The following PTPRD variants were observed in gnomAD, a reference collection of about 807,000 sequenced individuals.
PTPRD encodes the protein receptor-type tyrosine-protein phosphatase delta.
Under a neutral mutation model 214.5 loss-of-function variants are expected in PTPRD, and 34 were observed. The observed-to-expected ratio is 0.16, with a 90% CI of 0.12 to 0.21. The LOEUF is 0.21. Ranked by LOEUF, PTPRD falls within the 10% of genes least tolerant of loss-of-function variation. The probability of loss-of-function intolerance (pLI) is 1.00; values close to 1 mark genes in which losing one functional copy is unlikely to be tolerated. For synonymous variants in PTPRD, 1,128 were observed against 845.7 expected (o/e 1.33, Z -5.79); for missense variants, 2,545 against 2,398.7 (o/e 1.06, Z -1.27).
At chr9:8,582,989 T>A (rs1389658385) in intron 14 of PTPRD, among the ~76,000 whole-genome samples, 1 of 152,176 alleles carries the variant, frequency 6.6e-6, no homozygotes, top group African/African-American at 2.4e-5. Context: ...CAGAAGCTCA[T>A]TAACTTAAAA....
Position 8,363,633 on chromosome 9 carries a change from T to G in PTPRD, c.4661+12303A>C, listed in dbSNP as rs1019529483. ...CCTGTGAAGGAAATTCACATTGCAC[T>G]TAACTGGGTGATCAGAATAGAGCAG... On this transcript the variant is annotated intron_variant, in intron 39 of 45. Transcript: ENST00000381196. Among the ~76,000 whole-genome samples, 12 of 152,324 alleles carry G rather than the reference T, an allele frequency of 7.9e-5. No homozygotes were observed. In the East Asian group the frequency reaches 1.2e-3, roughly 15 times the overall value.
intron 5 of PTPRD, among the ~76,000 whole-genome samples, chr9:9,849,013 G>A (rs111810862): frequency 7.7e-4 from 116 of 151,608 alleles, no homozygotes; most frequent in Admixed American, 1.4e-3. Context: ...CCAGTTACCC[G>A]AAAAACAGGG....
At chr9:10,377,733 A>G (rs931423409) in intron 2 of PTPRD, among the ~76,000 whole-genome samples, 2 of 151,994 alleles carry the variant, frequency 1.3e-5, no homozygotes, top group Non-Finnish European at 2.9e-5. Flanking sequence ...AAATAGGAAC[A>G]CTTTTATACT....
intron 7 of PTPRD, among the ~76,000 whole-genome samples, chr9:9,673,146 T>A (rs1226880922): frequency 6.6e-6 from 1 of 151,994 alleles, no homozygotes; most frequent in Non-Finnish European, 1.5e-5. Context: ...TATTACCCTT[T>A]TTATCACACA....
At chr9:8,348,070 C>A (rs1442074521) in intron 39 of PTPRD, among the ~76,000 whole-genome samples, 1 of 152,094 alleles carries the variant, frequency 6.6e-6, no homozygotes, top group Non-Finnish European at 1.5e-5. Flanking sequence ...GAATAGACAA[C>A]ATAGCACATT....
chr9:9,704,478 G>C (rs2097561416), intron 7 of PTPRD, among the ~76,000 whole-genome samples: 2 of 152,162 alleles, frequency 1.3e-5, no homozygotes, highest in Non-Finnish European at 2.9e-5. Context: ...GTGGTTGAAA[G>C]ATAGCCACAA....
At chr9:9,103,244 G>C (rs1040387872) in intron 10 of PTPRD, among the ~76,000 whole-genome samples, 8 of 151,898 alleles carry the variant, frequency 5.3e-5, no homozygotes, top group South Asian at 2.1e-4. Context: ...TTGAGAAAAA[G>C]GGATTAAGGG....
chr9:9,687,993 A>T (rs1008814232), intron 7 of PTPRD, among the ~76,000 whole-genome samples: 3 of 151,782 alleles, frequency 2.0e-5, no homozygotes, highest in African/African-American at 7.3e-5. Flanking sequence ...GGGAATTCTC[A>T]TGGGATCTGA....
At chr9:9,428,905 T>C (rs2082040546) in intron 8 of PTPRD, among the ~76,000 whole-genome samples, 1 of 152,276 alleles carries the variant, frequency 6.6e-6, no homozygotes, top group Middle Eastern at 3.4e-3. Flanking sequence ...TTTAAAGCAG[T>C]GTGTAGAGGG....
At chr9:9,991,443 C>T (rs1045777438) in intron 4 of PTPRD, among the ~76,000 whole-genome samples, 5 of 151,768 alleles carry the variant, frequency 3.3e-5, no homozygotes, top group Admixed American at 6.6e-5. Context: ...CTCACTGCAA[C>T]CACCGCCTCC....
intron 7 of PTPRD, among the ~76,000 whole-genome samples, chr9:9,607,183 T>A (rs1054366500): frequency 1.1e-4 from 16 of 151,790 alleles, no homozygotes; most frequent in Non-Finnish European, 2.9e-5. Context: ...ATTAGAAGAG[T>A]AGCAACATAA....
chr9:9,358,334 C>A (rs907725881), intron 9 of PTPRD, among the ~76,000 whole-genome samples: 2 of 151,082 alleles, frequency 1.3e-5, no homozygotes, highest in Admixed American at 6.6e-5. Flanking sequence ...TTTTAAGCAG[C>A]ATGTATTCTT....
chr9:9,853,058 A>G (rs370203880), intron 5 of PTPRD, among the ~76,000 whole-genome samples: 7 of 152,294 alleles, frequency 4.6e-5, no homozygotes, highest in African/African-American at 1.2e-4. Flanking sequence ...CCATAGAGGT[A>G]CCATACATTA....
chr9:9,543,525 G>C (rs917290307), intron 8 of PTPRD, among the ~76,000 whole-genome samples: 2 of 151,168 alleles, frequency 1.3e-5, no homozygotes, highest in African/African-American at 4.9e-5. Flanking sequence ...AATTTTAATT[G>C]ACTTAAGATT....
chr9:9,634,095 G>C (rs2095678835), intron 7 of PTPRD, among the ~76,000 whole-genome samples: 1 of 151,996 alleles, frequency 6.6e-6, no homozygotes, highest in African/African-American at 2.4e-5. Context: ...AGAGTAATAT[G>C]TTCATCTTGA....
At chr9:9,245,232 T>A (rs758630483) in intron 9 of PTPRD, among the ~76,000 whole-genome samples, 1 of 152,140 alleles carries the variant, frequency 6.6e-6, no homozygotes, top group Admixed American at 6.5e-5. Flanking sequence ...AGTATGGCGA[T>A]TCCTCGGGGA....
chr9:10,541,521 ATTC>A (rs1448096594), intron 2 of PTPRD, among the ~76,000 whole-genome samples: 24 of 151,882 alleles, frequency 1.6e-4, no homozygotes, highest in Non-Finnish European at 2.8e-4. Flanking sequence ...GTATTTTCCG[ATTC>A]TTATCTCCTT....
rs193294460 is a variant in PTPRD at position 9,683,878 on chromosome 9, C to G, written c.-287+50655G>C. Among the ~76,000 whole-genome samples the G allele has an allele frequency of 7.9e-3, 1,192 of 151,752 alleles. 13 individuals carry two copies. Among genetic ancestry groups the G allele is most frequent in the African/African-American group, 0.027 (1,129 of 41,476 alleles). ...GACTTTAAGTTAGTTCGGGTTCTAA[C>G]ATACCAACTATTCTAATTTTATAGT... On this transcript the variant is annotated intron_variant, in intron 7 of 45. Transcript: ENST00000381196.
At chr9:9,091,327 C>A in intron 10 of PTPRD, 1 of 848,278 alleles carries the variant, frequency 1.2e-6, no homozygotes, top group Non-Finnish European at 2.0e-6. Flanking sequence ...AAAAAAATTT[C>A]TTTAAATAGC....
Sources: allele counts gnomAD v4.1 joint callset (sites outside exome capture counted in the v4.1 genomes callset), GRCh38; gene constraint gnomAD v4.1.1; transcripts MANE v1.5; gene names NCBI Gene and HGNC (gene_info 2026-07-23, HGNC 2026-07-21).